Variants in WWOX observed in about 807,000 individuals in gnomAD.
WWOX encodes the protein WW domain-containing oxidoreductase.
In WWOX, 69 loss-of-function variants were observed where a neutral mutation model predicts 46.2. The ratio of observed to expected loss-of-function variants is 1.49; its 90% CI spans 1.23 to 1.82. The LOEUF (loss-of-function observed/expected upper bound fraction) is 1.82. Among genes scored for constraint, WWOX ranks in the 40% most tolerant of loss-of-function variants. The probability of loss-of-function intolerance (pLI) is 0.00; values close to 1 mark genes in which losing one functional copy is unlikely to be tolerated. For synonymous variants in WWOX, 359 were observed against 202.6 expected, an observed-to-expected ratio of 1.77 and a Z score of -6.56; for missense variants, 919 against 542.6, an observed-to-expected ratio of 1.69 and a Z score of -6.89.
intron 8 of WWOX, among the ~76,000 whole-genome samples, chr16:78,562,864 C>T (rs759848218): frequency 3.3e-5 from 5 of 152,136 alleles, no homozygotes; most frequent in Non-Finnish European, 5.9e-5. Context: ...CATAGCTGAG[C>T]GACGTCGGAG....
chr16:78,527,991 CTTTTTTTTT>C lies in WWOX; in HGVS notation c.1056+95256_1056+95264del, dbSNP rs71140808. ...CTATGTCACAGGACTGGTACATGTC[CTTTTTTTTT>C]TTTTTTTTTTTTTTTTGAGACGGAG... is the stretch of plus-strand genomic sequence containing the variant. On this transcript the variant is annotated intron_variant, in intron 8 of 8. Transcript: ENST00000566780. Among the ~76,000 whole-genome samples, 49 of 34,888 alleles carry C rather than the reference CTTTTTTTTT, an allele frequency of 1.4e-3. 2 individuals are homozygous for C. The highest frequency in any genetic ancestry group is 4.1e-3 in the African/African-American group (40 of 9,838). The allele number at this position is 34,888 out of a possible 152,430, so 22.9% of individuals were successfully genotyped here.
chr16:78,596,477 C>A (rs946804469), intron 8 of WWOX, among the ~76,000 whole-genome samples: 1 of 149,928 alleles, frequency 6.7e-6, no homozygotes, highest in Non-Finnish European at 1.5e-5. Flanking sequence ...CCCAGCAGGG[C>A]GTATCAGGGG....
intron 8 of WWOX, among the ~76,000 whole-genome samples, chr16:79,058,194 G>A (rs1197160948): frequency 2.0e-5 from 3 of 151,620 alleles, no homozygotes; most frequent in Non-Finnish European, 4.4e-5. Context: ...TGTATAGAGA[G>A]AGTCAGGCAG....
chr16:79,056,348 T>C (rs2048262119), intron 8 of WWOX, among the ~76,000 whole-genome samples: 1 of 152,222 alleles, frequency 6.6e-6, no homozygotes, highest in Admixed American at 6.5e-5. Context: ...CTTTGAAGAA[T>C]GACTGTAATA....
intron 8 of WWOX, among the ~76,000 whole-genome samples, chr16:78,664,387 G>A (rs886601021): frequency 6.6e-5 from 10 of 152,166 alleles, no homozygotes; most frequent in African/African-American, 2.4e-4. Flanking sequence ...CACGTAGGAA[G>A]TGGCAGGTTG....
At chr16:78,388,567 A>T (rs2082107943) in intron 6 of WWOX, among the ~76,000 whole-genome samples, 1 of 148,192 alleles carries the variant, frequency 6.7e-6, no homozygotes, top group African/African-American at 2.5e-5. Flanking sequence ...AAATCGCTTG[A>T]ACCTGGGAGG....
chr16:78,646,280 C>G (rs543903562), intron 8 of WWOX, among the ~76,000 whole-genome samples: 48 of 152,244 alleles, frequency 3.2e-4, no homozygotes, highest in African/African-American at 1.2e-3. Flanking sequence ...TCCCAAAGTG[C>G]TGGGATTATA....
chr16:78,438,240 A>G (rs567232023), intron 8 of WWOX, among the ~76,000 whole-genome samples: 25 of 152,260 alleles, frequency 1.6e-4, no homozygotes, highest in African/African-American at 6.0e-4. Context: ...TATTATCTTT[A>G]TTTTGTAATT....
chr16:79,012,453 G>A (rs951242492), intron 8 of WWOX, among the ~76,000 whole-genome samples: 14 of 152,054 alleles, frequency 9.2e-5, no homozygotes, highest in South Asian at 2.1e-4. Context: ...GGCTGGTCTC[G>A]AACTCCTGAC....
At chr16:78,322,132 C>G (rs1478499317) in intron 5 of WWOX, among the ~76,000 whole-genome samples, 1 of 152,098 alleles carries the variant, frequency 6.6e-6, no homozygotes, top group Non-Finnish European at 1.5e-5. Context: ...GTATTTACTT[C>G]TCACTTGCCC....
rs551883257 is a variant in WWOX at position 78,439,076 on chromosome 16, T to G, written c.1056+6324T>G. 5.3e-5 allele frequency among the ~76,000 whole-genome samples: 8 copies of G among 152,328 alleles called. No individual in the cohort carries two copies. In the South Asian group the frequency reaches 1.7e-3, roughly 32 times the overall value. On this transcript the variant is annotated intron_variant, in intron 8 of 8. Transcript: ENST00000566780. ...TTTAAATACCTGCAGCTGACTACAC[T>G]ATAGATACTATCAAGGGCAAAGCCC...
intron 8 of WWOX, among the ~76,000 whole-genome samples, chr16:79,041,075 C>T (rs2047962297): frequency 6.6e-6 from 1 of 151,944 alleles, no homozygotes; most frequent in Non-Finnish European, 1.5e-5. Flanking sequence ...GGCCAGAATG[C>T]AATGTCCTAA....
intron 8 of WWOX, among the ~76,000 whole-genome samples, chr16:78,996,842 C>T (rs762524676): frequency 6.6e-6 from 1 of 152,184 alleles, no homozygotes; most frequent in Admixed American, 6.5e-5. Context: ...CAGAACATCT[C>T]CCCGGCCTCC....
chr16:78,797,927 G>C (rs1287661819), intron 8 of WWOX, among the ~76,000 whole-genome samples: 1 of 152,208 alleles, frequency 6.6e-6, no homozygotes, highest in Non-Finnish European at 1.5e-5. Flanking sequence ...GGTCAAGACG[G>C]TAGTGAGTCA....
intron 8 of WWOX, among the ~76,000 whole-genome samples, chr16:78,784,132 C>G (rs1421140702): frequency 6.6e-6 from 1 of 152,134 alleles, no homozygotes; most frequent in Non-Finnish European, 1.5e-5. Context: ...ACACCAAATT[C>G]TTATAACAAC....
intron 6 of WWOX, among the ~76,000 whole-genome samples, chr16:78,403,062 G>A (rs1289797995): frequency 6.6e-6 from 1 of 152,190 alleles, no homozygotes; most frequent in Non-Finnish European, 1.5e-5. Flanking sequence ...AGGGGCTTCT[G>A]AACTCTATTA....
intron 8 of WWOX, among the ~76,000 whole-genome samples, chr16:78,878,347 T>A (rs900924607): frequency 6.6e-6 from 1 of 152,190 alleles, no homozygotes; most frequent in Admixed American, 6.5e-5. Flanking sequence ...GCCCCTGGGT[T>A]CAATTCCTGC....
intron 5 of WWOX, among the ~76,000 whole-genome samples, chr16:78,170,157 G>C (rs755268565): frequency 2.0e-5 from 3 of 152,182 alleles, no homozygotes; most frequent in African/African-American, 4.8e-5. Context: ...GGCATTGCCA[G>C]ATGTCTCTTG....
intron 8 of WWOX, among the ~76,000 whole-genome samples, chr16:78,987,143 T>G (rs2046799010): frequency 6.6e-6 from 1 of 152,234 alleles, no homozygotes; most frequent in African/African-American, 2.4e-5. Flanking sequence ...ATTTCTCATT[T>G]GTAATTTTCA....
Sources: gnomAD v4.1 joint callset for allele counts (sites outside exome capture counted in the v4.1 genomes callset) on GRCh38, gnomAD v4.1.1 for gene constraint, MANE v1.5 for transcripts, NCBI Gene and HGNC (gene_info 2026-07-23, HGNC 2026-07-21) for gene names.